CALN1: variants seen among roughly 807,000 people sequenced by gnomAD.
CALN1 encodes calneuron 1.
CALN1 carries 17 observed loss-of-function variants against 30.6 expected under a neutral mutation model. That is an observed-to-expected ratio of 0.56 (90% CI 0.38 to 0.83). The LOEUF is 0.83. Ranked by LOEUF, CALN1 falls within the 40% of genes least tolerant of loss-of-function variation. The pLI is 0.00. For synonymous variants in CALN1, 156 were observed against 131.4 expected, an observed-to-expected ratio of 1.19 and a Z score of -1.28; for missense variants, 291 against 354.9, an observed-to-expected ratio of 0.82 and a Z score of 1.45.
chr7:71,945,402 C>A (rs565567315), intron 5 of CALN1, among the ~76,000 whole-genome samples: 4 of 152,316 alleles, frequency 2.6e-5, no homozygotes, highest in African/African-American at 9.6e-5. Context: ...AGGCACAACC[C>A]AATGAGAATG....
At chr7:72,222,606 C>T (rs2129549776) in intron 3 of CALN1, among the ~76,000 whole-genome samples, 1 of 152,072 alleles carries the variant, frequency 6.6e-6, no homozygotes, top group East Asian at 1.9e-4. Flanking sequence ...GGGTGGGGGA[C>T]ACAGATCCAA....
At chr7:71,963,412 C>A (rs1232403300) in intron 5 of CALN1, among the ~76,000 whole-genome samples, 2 of 152,164 alleles carry the variant, frequency 1.3e-5, no homozygotes, top group Non-Finnish European at 2.9e-5. Context: ...CCACCTGCCT[C>A]AGCCTCCCAA....
At chr7:72,048,423 C>T (rs1294126705) in intron 4 of CALN1, among the ~76,000 whole-genome samples, 1 of 152,018 alleles carries the variant, frequency 6.6e-6, no homozygotes. Context: ...GCAGCACCTG[C>T]ATGTGACATG....
intron 5 of CALN1, among the ~76,000 whole-genome samples, chr7:71,856,972 AAAT>A (rs139678852): frequency 4.6e-5 from 7 of 151,862 alleles, no homozygotes; most frequent in East Asian, 1.9e-4. Flanking sequence ...AAATAAAATG[AAAT>A]AATAATAATA....
chr7:71,977,186 A>G (rs1798142142), intron 5 of CALN1, among the ~76,000 whole-genome samples: 2 of 152,174 alleles, frequency 1.3e-5, no homozygotes, highest in Non-Finnish European at 2.9e-5. Context: ...CTTGATAACA[A>G]TGTCTCTAAT....
chr7:71,870,477 T>C (rs1791859181), intron 5 of CALN1, among the ~76,000 whole-genome samples: 1 of 152,190 alleles, frequency 6.6e-6, no homozygotes. Flanking sequence ...TACCTGTCTG[T>C]ATGTTTGAAA....
At chr7:72,415,371 A>G (rs1433855615), upstream of CALN1, among the ~76,000 whole-genome samples, 1 of 152,224 alleles carries the variant, frequency 6.6e-6, no homozygotes, top group Admixed American at 6.5e-5. Flanking sequence ...TCATGCCAAG[A>G]GGCAAAGACC....
At chr7:72,324,027 T>G (rs553568857) in intron 2 of CALN1, among the ~76,000 whole-genome samples, 3 of 151,868 alleles carry the variant, frequency 2.0e-5, no homozygotes, top group Non-Finnish European at 4.4e-5. Flanking sequence ...GACTCTGGGT[T>G]TTTTGTTTTG....
chr7:72,349,282 T>TG (rs1802800693), intron 2 of CALN1, among the ~76,000 whole-genome samples: 5 of 147,754 alleles, frequency 3.4e-5, no homozygotes, highest in East Asian at 2.0e-4. Context: ...ACACGCGTGC[T>TG]TGTGTGTGTG....
At chr7:71,934,539 A>G (rs1011579137) in intron 5 of CALN1, among the ~76,000 whole-genome samples, 2 of 152,190 alleles carry the variant, frequency 1.3e-5, no homozygotes, top group African/African-American at 4.8e-5. Context: ...GTGACAAGAA[A>G]GGGAGCAAGA....
chr7:72,334,658 A>G (rs1801893084), intron 2 of CALN1, among the ~76,000 whole-genome samples: 1 of 152,228 alleles, frequency 6.6e-6, no homozygotes, highest in African/African-American at 2.4e-5. Context: ...CGAAGGCCTG[A>G]TTACTGGCAA....
intron 6 of CALN1, among the ~76,000 whole-genome samples, chr7:71,796,031 T>C (rs1223897756): frequency 1.3e-5 from 2 of 151,770 alleles, no homozygotes; most frequent in East Asian, 1.9e-4. Flanking sequence ...TTCACTGTGT[T>C]AGCCAGGGTG....
chr7:71,860,181 A>G (rs1188615446), intron 5 of CALN1, among the ~76,000 whole-genome samples: 1 of 149,426 alleles, frequency 6.7e-6, no homozygotes, highest in Admixed American at 6.7e-5. Context: ...TTTATTGAGC[A>G]TTCTTTATTT....
At chr7:72,456,202 G>A in the CALN1 span, among the ~76,000 whole-genome samples, 1 of 150,384 alleles carries the variant, frequency 6.6e-6, no homozygotes, top group Non-Finnish European at 1.5e-5. Context: ...AAAAAAGAGA[G>A]AGAGAGAGAG....
chr7:72,316,870 A>AGG (rs1800490259), intron 2 of CALN1, among the ~76,000 whole-genome samples: 1 of 151,792 alleles, frequency 6.6e-6, no homozygotes, highest in South Asian at 2.1e-4. Flanking sequence ...ACTTGAGCTC[A>AGG]GGAGTTCAAG....
At chr7:71,997,555 C>T (rs906222773) in intron 5 of CALN1, among the ~76,000 whole-genome samples, 1 of 152,032 alleles carries the variant, frequency 6.6e-6, no homozygotes, top group African/African-American at 2.4e-5. Flanking sequence ...AAAACACAAA[C>T]CAAAGATGCA....
At chr7:72,056,696 T>C (rs886953441) in intron 4 of CALN1, among the ~76,000 whole-genome samples, 2 of 152,126 alleles carry the variant, frequency 1.3e-5, no homozygotes, top group African/African-American at 4.8e-5. Flanking sequence ...TATTTAGCAA[T>C]AATCTAGGAA....
chr7:71,825,276 T>C (rs1788844561), intron 5 of CALN1, among the ~76,000 whole-genome samples: 1 of 152,098 alleles, frequency 6.6e-6, no homozygotes, highest in East Asian at 1.9e-4. Flanking sequence ...TTCCTGTGTG[T>C]TGTAGGAGGG....
At chr7:72,293,277 T>C (rs1353826047) in intron 2 of CALN1, among the ~76,000 whole-genome samples, 2 of 152,170 alleles carry the variant, frequency 1.3e-5, no homozygotes, top group South Asian at 2.1e-4. Flanking sequence ...AGGGTGGTAC[T>C]ATCAGAACCT....
Sources: gnomAD v4.1 joint callset for allele counts (sites outside exome capture counted in the v4.1 genomes callset) on GRCh38, gnomAD v4.1.1 for gene constraint, MANE v1.5 for transcripts, NCBI Gene and HGNC (gene_info 2026-07-23, HGNC 2026-07-21) for gene names.